FAT3: variants seen among roughly 807,000 people sequenced by gnomAD.
The protein encoded by FAT3 is protocadherin Fat 3.
FAT3 carries 95 observed loss-of-function variants against 310.2 expected under a neutral mutation model. The observed-to-expected ratio is 0.31, with a 90% CI of 0.26 to 0.36. The LOEUF (loss-of-function observed/expected upper bound fraction) is 0.36. Ranked by LOEUF, FAT3 falls within the 10% of genes least tolerant of loss-of-function variation. The pLI, the probability that FAT3 is intolerant of heterozygous loss-of-function variation, is 1.00. For synonymous variants in FAT3, 2,314 were observed against 2,192.9 expected (o/e 1.06, Z -1.54); for missense variants, 5,408 against 5,715.6 (o/e 0.95, Z 1.74).
At chr11:92,269,805 A>ATG (rs1565191634) in intron 1 of FAT3, among the ~76,000 whole-genome samples, 1 of 152,104 alleles carries the variant, frequency 6.6e-6, no homozygotes, top group Non-Finnish European at 1.5e-5. Flanking sequence ...CTTGACAGCA[A>ATG]TGTAGCCACT....
At chr11:92,588,000 C>A (rs1939237570) in intron 3 of FAT3, among the ~76,000 whole-genome samples, 1 of 152,018 alleles carries the variant, frequency 6.6e-6, no homozygotes, top group Non-Finnish European at 1.5e-5. Flanking sequence ...TCAAAGTCTG[C>A]TGTAAATCCC....
At chr11:92,410,276 AT>A (rs1399849564) in intron 2 of FAT3, among the ~76,000 whole-genome samples, 2 of 151,858 alleles carry the variant, frequency 1.3e-5, no homozygotes, top group African/African-American at 4.8e-5. Flanking sequence ...GTTCACTTGA[AT>A]TTTTTTATAG....
chr11:92,670,412 G>A lies in FAT3; in HGVS notation c.3608-26972G>A, dbSNP rs541287405. On this transcript the variant is annotated intron_variant, in intron 3 of 27. Coordinates refer to ENST00000525166, the MANE Select transcript of FAT3 (RefSeq NM_001367949.2). ...CAAAATCACTGTGCAGCCTTTTCCA[G>A]ATAGGGATCTGCAACTGCGTTACAT... Among the ~76,000 whole-genome samples, 18 of 152,304 alleles carry A rather than the reference G, an allele frequency of 1.2e-4. 1 individual carries two copies. The South Asian group carries it at 3.7e-3, about 32-fold the overall frequency.
At chr11:92,619,735 A>G (rs952419037) in intron 3 of FAT3, among the ~76,000 whole-genome samples, 9 of 151,278 alleles carry the variant, frequency 5.9e-5, no homozygotes, top group African/African-American at 1.9e-4. Context: ...TAGCAATTTG[A>G]GTCCCCTCTC....
intron 1 of FAT3, among the ~76,000 whole-genome samples, chr11:92,329,038 T>C (rs1458946311): frequency 1.3e-5 from 2 of 152,100 alleles, no homozygotes; most frequent in Non-Finnish European, 2.9e-5. Flanking sequence ...ATACTATCTT[T>C]CTCTTTCACT....
intron 13 of FAT3, among the ~76,000 whole-genome samples, chr11:92,828,836 T>C (rs1263217179): frequency 6.6e-6 from 1 of 152,156 alleles, no homozygotes; most frequent in African/African-American, 2.4e-5. Flanking sequence ...AGAGCCCAGA[T>C]GAGTGCCTCT....
At chr11:92,269,998 A>G (rs1946079930) in intron 1 of FAT3, among the ~76,000 whole-genome samples, 1 of 152,148 alleles carries the variant, frequency 6.6e-6, no homozygotes, top group Non-Finnish European at 1.5e-5. Context: ...ATGGTGAGGC[A>G]TCTGAGGAAT....
At chr11:92,437,273 G>A (rs1283735010) in intron 2 of FAT3, among the ~76,000 whole-genome samples, 2 of 152,120 alleles carry the variant, frequency 1.3e-5, no homozygotes, top group African/African-American at 4.8e-5. Flanking sequence ...ATATGTTTTG[G>A]TAGTAATTTA....
At chr11:92,581,427 A>T (rs1938792613) in intron 3 of FAT3, among the ~76,000 whole-genome samples, 1 of 151,496 alleles carries the variant, frequency 6.6e-6, no homozygotes, top group Non-Finnish European at 1.5e-5. Context: ...TCCCTCATTC[A>T]GAATATCCAC....
chr11:92,290,522 T>C lies in FAT3; in HGVS notation c.-17-61574T>C, dbSNP rs372264211. Among the ~76,000 whole-genome samples the C allele has an allele frequency of 7.2e-4, 110 of 152,152 alleles. 1 individual carries two copies. The South Asian group carries it at 0.022, about 31-fold the overall frequency. On this transcript the variant is annotated intron_variant, in intron 1 of 27. Coordinates refer to ENST00000525166, the MANE Select transcript of FAT3 (RefSeq NM_001367949.2). Reference sequence around the variant, plus strand: ...CTGTAATCCCAAAACTTTGGGAGGCTGAGGCAGGTGGATCACCAGCGGTTA... The same window carrying C: ...CTGTAATCCCAAAACTTTGGGAGGCCGAGGCAGGTGGATCACCAGCGGTTA...
At chr11:92,644,532 G>A (rs1279524185) in intron 3 of FAT3, among the ~76,000 whole-genome samples, 1 of 152,036 alleles carries the variant, frequency 6.6e-6, no homozygotes, top group African/African-American at 2.4e-5. Context: ...AAAATAAAAT[G>A]TTCACTTCCT....
At chr11:92,514,151 T>C (rs896616666) in intron 2 of FAT3, among the ~76,000 whole-genome samples, 1 of 152,186 alleles carries the variant, frequency 6.6e-6, no homozygotes, top group African/African-American at 2.4e-5. Flanking sequence ...ATGTGTTTCA[T>C]GCTGGAATTA....
chr11:92,823,203 C>A (rs980335472), intron 13 of FAT3, among the ~76,000 whole-genome samples: 7 of 152,058 alleles, frequency 4.6e-5, no homozygotes, highest in African/African-American at 1.7e-4. Flanking sequence ...CACTTAGTGG[C>A]CCATATAGAA....
chr11:92,732,146 C>T (rs761027481), intron 4 of FAT3, among the ~76,000 whole-genome samples: 18 of 152,098 alleles, frequency 1.2e-4, no homozygotes, highest in African/African-American at 2.9e-4. Context: ...TTGTTTCTTA[C>T]GCTAGGTACT....
At chr11:92,551,414 T>TTGTGTGTGTGTGTG (rs71473973) in intron 3 of FAT3, among the ~76,000 whole-genome samples, 7,591 of 128,884 alleles carry the variant, frequency 0.059, 285 homozygotes, top group African/African-American at 0.085. Flanking sequence ...TTTTTTTGTT[T>TTGTGTGTGTGTGTG]TGTGTGTGTG....
At chr11:92,351,265 C>T (rs1948557963) in intron 1 of FAT3, among the ~76,000 whole-genome samples, 1 of 152,084 alleles carries the variant, frequency 6.6e-6, no homozygotes, top group African/African-American at 2.4e-5. Context: ...CATGGCATTG[C>T]ATTATTCATA....
At chr11:92,759,898 G>T (rs1412053333) in intron 4 of FAT3, among the ~76,000 whole-genome samples, 1 of 152,128 alleles carries the variant, frequency 6.6e-6, no homozygotes, top group Non-Finnish European at 1.5e-5. Context: ...TAATTGACAA[G>T]GAGGTGATTT....
chr11:92,733,356 T>C (rs1358682790), intron 4 of FAT3, among the ~76,000 whole-genome samples: 1 of 151,678 alleles, frequency 6.6e-6, no homozygotes, highest in Non-Finnish European at 1.5e-5. Flanking sequence ...TTTGAATAGG[T>C]AATATGAGGC....
At chr11:92,653,026 G>A (rs1358043801) in intron 3 of FAT3, among the ~76,000 whole-genome samples, 1 of 152,154 alleles carries the variant, frequency 6.6e-6, no homozygotes, top group Non-Finnish European at 1.5e-5. Flanking sequence ...GGGCATGGTG[G>A]CACATGCCTG....
Sources: gnomAD v4.1 joint callset for allele counts (sites outside exome capture counted in the v4.1 genomes callset) on GRCh38, gnomAD v4.1.1 for gene constraint, MANE v1.5 for transcripts, NCBI Gene and HGNC (gene_info 2026-07-23, HGNC 2026-07-21) for gene names.